POU6F2: variants seen among roughly 807,000 people sequenced by gnomAD.
The protein encoded by POU6F2 is POU domain, class 6, transcription factor 2.
POU6F2 carries 31 observed loss-of-function variants against 71.3 expected under a neutral mutation model. The observed-to-expected ratio is 0.43, with a 90% CI of 0.33 to 0.59. The LOEUF (loss-of-function observed/expected upper bound fraction) is 0.59, where lower values mean the gene tolerates loss of function less well. Ranked by LOEUF, POU6F2 falls within the 20% of genes least tolerant of loss-of-function variation. The probability of loss-of-function intolerance (pLI) is 0.04; values close to 1 mark genes in which losing one functional copy is unlikely to be tolerated. For missense variants in POU6F2, 783 were observed against 856.8 expected (o/e 0.91, Z 1.07); for synonymous variants, 347 against 355.7 (o/e 0.98, Z 0.27).
At chr7:39,229,685 T>G (rs553934112) in intron 4 of POU6F2, among the ~76,000 whole-genome samples, 1 of 152,342 alleles carries the variant, frequency 6.6e-6, no homozygotes, top group South Asian at 2.1e-4. Context: ...ATCCAAATAT[T>G]ACCTACACAA....
chr7:39,154,914 TG>T (rs1792839107), intron 2 of POU6F2, among the ~76,000 whole-genome samples: 1 of 152,136 alleles, frequency 6.6e-6, no homozygotes, highest in African/African-American at 2.4e-5. Flanking sequence ...TAGTTCAACA[TG>T]TGCTGTTCAA....
intron 2 of POU6F2, among the ~76,000 whole-genome samples, chr7:39,137,547 T>C (rs1792412157): frequency 6.6e-6 from 1 of 152,194 alleles, no homozygotes; most frequent in South Asian, 2.1e-4. Flanking sequence ...TTAACAGTGA[T>C]TACTTAGAGG....
chr7:39,003,870 A>G (rs1040406706), intron 1 of POU6F2, among the ~76,000 whole-genome samples: 2 of 151,852 alleles, frequency 1.3e-5, no homozygotes, highest in Admixed American at 6.6e-5. Context: ...ATGTTAAGTG[A>G]AAAAAAATAG....
intron 4 of POU6F2, among the ~76,000 whole-genome samples, chr7:39,220,523 A>G (rs1562752001): frequency 6.6e-6 from 1 of 152,168 alleles, no homozygotes; most frequent in Non-Finnish European, 1.5e-5. Context: ...ACCTGGTAAG[A>G]ATAAGATCTG....
chr7:39,220,581 A>G (rs188716349), intron 4 of POU6F2, among the ~76,000 whole-genome samples: 8 of 152,280 alleles, frequency 5.3e-5, no homozygotes, highest in African/African-American at 1.7e-4. Flanking sequence ...AGGATCAGTT[A>G]GGACAAAGAC....
chr7:39,161,366 A>G (rs1792994356), intron 2 of POU6F2, among the ~76,000 whole-genome samples: 1 of 152,216 alleles, frequency 6.6e-6, no homozygotes, highest in African/African-American at 2.4e-5. Context: ...TGCCTGAAGT[A>G]TATTTCTTTG....
At position 38,978,022 on chromosome 7, in the gene POU6F2, G is replaced by A. The variant is rs1788224542; in HGVS notation, c.69G>A (p.Gln23=). 4 of 152,232 alleles carry A rather than the reference G, an allele frequency of 2.6e-5. No homozygotes were observed. The highest frequency in any genetic ancestry group is 2.6e-4 in the Admixed American group (4 of 15,288). The allele number at this position is 152,232 out of a possible 1,614,324, so 9.4% of individuals were successfully genotyped here. A position where few individuals can be genotyped will look rare whatever the true frequency, so the allele number is the denominator to read the frequency against. ...TGATGGATTGCTATCTCTCAGCGCAGCAGGACACGGGGACCATGCAAGCTG... is the reference window on the plus strand; with the variant it reads ...TGATGGATTGCTATCTCTCAGCGCAACAGGACACGGGGACCATGCAAGCTG... ...QHMMDCYLSA[Q]QDTGTMQAVI... Residue 23 remains glutamine, a synonymous_variant, in exon 1 of 10, where the codon CAG becomes CAA. Coordinates refer to ENST00000518318, the MANE Select transcript of POU6F2 (RefSeq NM_001370959.1).
intron 1 of POU6F2, among the ~76,000 whole-genome samples, chr7:39,071,238 G>A (rs1010651126): frequency 6.6e-6 from 1 of 152,048 alleles, no homozygotes; most frequent in Non-Finnish European, 1.5e-5. Flanking sequence ...ACAAGGAATG[G>A]GCTACCGAGA....
chr7:39,456,531 C>G (rs185217454), intron 8 of POU6F2, among the ~76,000 whole-genome samples: 6 of 152,326 alleles, frequency 3.9e-5, no homozygotes, highest in African/African-American at 1.4e-4. Context: ...CAGACAGCAT[C>G]TAATGAATTC....
At chr7:39,323,518 C>T (rs1394592445) in intron 4 of POU6F2, among the ~76,000 whole-genome samples, 1 of 152,176 alleles carries the variant, frequency 6.6e-6, no homozygotes, top group African/African-American at 2.4e-5. Flanking sequence ...TCAGCTTCTA[C>T]CTCTGGACTA....
chr7:39,198,272 A>G (rs142227098), intron 2 of POU6F2, among the ~76,000 whole-genome samples: 162 of 152,364 alleles, frequency 1.1e-3, no homozygotes, highest in African/African-American at 3.0e-3. Flanking sequence ...CCTATAAAAA[A>G]TGAAGCAATT....
intron 4 of POU6F2, among the ~76,000 whole-genome samples, chr7:39,250,394 A>T (rs1783893334): frequency 6.6e-6 from 1 of 152,180 alleles, no homozygotes; most frequent in Non-Finnish European, 1.5e-5. Flanking sequence ...GTGTAACAAC[A>T]TTGGATAAGA....
chr7:39,326,476 G>A (rs1409435097), intron 4 of POU6F2, among the ~76,000 whole-genome samples: 1 of 152,162 alleles, frequency 6.6e-6, no homozygotes, highest in Non-Finnish European at 1.5e-5. Context: ...AAGAATCAAT[G>A]TTTCCATAAA....
chr7:38,983,390 CCTTT>C (rs139590465), intron 1 of POU6F2, among the ~76,000 whole-genome samples: 9,967 of 112,854 alleles, frequency 0.088, 343 homozygotes, highest in Admixed American at 0.18. Flanking sequence ...CTGCCTCCCT[CCTTT>C]CTTTTTTTTT....
intron 1 of POU6F2, among the ~76,000 whole-genome samples, chr7:39,078,597 G>A (rs768538073): frequency 3.9e-5 from 6 of 152,188 alleles, no homozygotes; most frequent in Non-Finnish European, 5.9e-5. Context: ...GTGATTGAAC[G>A]CTAGTATTGG....
chr7:39,098,854 G>A (rs1035325998), intron 2 of POU6F2, among the ~76,000 whole-genome samples: 1 of 152,204 alleles, frequency 6.6e-6, no homozygotes, highest in Admixed American at 6.5e-5. Context: ...TACTTGCTAT[G>A]TTTAGAAAGA....
intron 1 of POU6F2, among the ~76,000 whole-genome samples, chr7:39,049,291 A>C (rs1482839729): frequency 4.0e-5 from 6 of 151,836 alleles, no homozygotes; most frequent in Admixed American, 3.9e-4. Context: ...TGAATTATTG[A>C]CTGGAGACTA....
chr7:39,050,848 A>G (rs1790387873), intron 1 of POU6F2, among the ~76,000 whole-genome samples: 1 of 152,102 alleles, frequency 6.6e-6, no homozygotes, highest in African/African-American at 2.4e-5. Context: ...TGAAAATTTG[A>G]TAGTTTTTCT....
intron 4 of POU6F2, among the ~76,000 whole-genome samples, chr7:39,228,900 C>T (rs970016988): frequency 6.6e-6 from 1 of 152,186 alleles, no homozygotes; most frequent in Non-Finnish European, 1.5e-5. Context: ...CTGGGAATGT[C>T]TTTCGGGCTC....
Sources: gnomAD v4.1 joint callset for allele counts (sites outside exome capture counted in the v4.1 genomes callset) on GRCh38, gnomAD v4.1.1 for gene constraint, MANE v1.5 for transcripts, NCBI Gene and HGNC (gene_info 2026-07-23, HGNC 2026-07-21) for gene names.